TPD52L3: variants seen among roughly 807,000 people sequenced by gnomAD.
TPD52L3 encodes tumor protein D55.
A neutral mutation model predicts 8.7 loss-of-function variants in TPD52L3; 12 were observed. The ratio of observed to expected loss-of-function variants is 1.38; its 90% CI spans 0.89 to 2.24. The LOEUF (loss-of-function observed/expected upper bound fraction) is 2.24, where lower values mean the gene tolerates loss of function less well. Among genes scored for constraint, TPD52L3 ranks in the 30% most tolerant of loss-of-function variants. The pLI is 0.00. For synonymous variants in TPD52L3, 79 were observed against 66.8 expected (o/e 1.18, Z -0.89); for missense variants, 207 against 158.7 (o/e 1.30, Z -1.64).
At chr9:6,330,664 T>C in intron 1 of TPD52L3, 1 of 1,203,470 alleles carries the variant, frequency 8.3e-7, no homozygotes, top group Non-Finnish European at 1.0e-6. Context: ...TGTTTTACTA[T>C]TTTGCATGTT....
rs1474228546 is a variant in TPD52L3 at position 6,331,486 on chromosome 9, G to GA, written c.*467_*468insA. ...CTGTGGCTAGAGAGGAAGGGGAAAT[G>GA]GTGTTACATGAGTGAGGGAGGGGAA... On this transcript the variant is annotated 3_prime_UTR_variant, in exon 2 of 2. Coordinates refer to ENST00000314556, the MANE Select transcript of TPD52L3 (RefSeq NM_001001874.3). 1 of 152,782 alleles carries GA rather than the reference G, an allele frequency of 6.5e-6. No homozygotes were observed. The highest frequency in any genetic ancestry group is 6.5e-5 in the Admixed American group (1 of 15,316). 9.5% of individuals were successfully genotyped at this position (152,782 alleles called of 1,614,324 possible). A position where few individuals can be genotyped will look rare whatever the true frequency, so the allele number is the denominator to read the frequency against.
rs11553814 is a variant in TPD52L3 at position 6,328,440 on chromosome 9, C to T, written c.-156C>T. The T allele has an allele frequency of 0.11, 99,193 of 877,288 alleles. 7,195 individuals are homozygous for T. The highest frequency in any genetic ancestry group is 0.31 in the East Asian group (12,627 of 40,552). The allele number at this position is 877,288 out of a possible 1,614,324, so 54.3% of individuals were successfully genotyped here. On this transcript the variant is annotated 5_prime_UTR_variant, in exon 1 of 2. Transcript: ENST00000314556. ...TACCAGCTGGGCCATGGATCCCTCC[C>T]GCCTGAAATCTGACTCCACCTGCCA...
At chr9:6,330,146 C>T (rs933946524) in intron 1 of TPD52L3, 5 of 1,613,394 alleles carry the variant, frequency 3.1e-6, no homozygotes, top group African/African-American at 2.7e-5. Context: ...AACTATACAT[C>T]TTTGCTCTTA....
chr9:6,330,301 T>G (rs949656369), intron 1 of TPD52L3: 15 of 1,571,250 alleles, frequency 9.5e-6, no homozygotes, highest in Middle Eastern at 1.7e-4. Flanking sequence ...ATACTTTTTG[T>G]TTGTTTTCCT....
At chr9:6,329,152 C>G in intron 1 of TPD52L3, 190 bp downstream of exon 1, 1 of 1,470,946 alleles carries the variant, frequency 6.8e-7, no homozygotes, top group South Asian at 1.4e-5. Context: ...TCTCCACTTT[C>G]TGGAACCAGA....
intron 1 of TPD52L3, chr9:6,329,718 A>G (rs904015921): frequency 1.0e-6 from 1 of 1,002,848 alleles, no homozygotes; most frequent in Non-Finnish European, 1.2e-6. Context: ...AAGAGGGGAA[A>G]ATAGTGGTAG....
chr9:6,328,680 C>G lies in TPD52L3; in HGVS notation c.85C>G (p.Gln29Glu). 2 of 1,614,112 alleles carry G rather than the reference C, an allele frequency of 1.2e-6. No individual in the cohort carries two copies. The highest frequency in any genetic ancestry group is 1.1e-5 in the South Asian group (1 of 91,086). Residue 29 changes from glutamine (Q) to glutamate (E), a missense_variant, in exon 1 of 2, where the codon CAA becomes GAA. Gln to Glu is a conservative substitution (Grantham distance 29). Coordinates refer to ENST00000314556, the MANE Select transcript of TPD52L3 (RefSeq NM_001001874.3). The part of the protein sequence containing the change: ...SELEDLTEPE[Q>E]RELKTKLTKL... ...ACTGGAGGATCTGACAGAGCCCGAG[C>G]AAAGAGAGCTCAAAACCAAACTCAC...
In TPD52L3 at chr9:6,330,038, T is replaced by G. The variant is rs557130578; in HGVS notation, c.368-938T>G. ...CTGAGGGGCTGGAGGAAAACAGGTA[T>G]AGCCAAATTCAAGAAAGATAAACCC... On this transcript the variant is annotated intron_variant, in intron 1 of 1. Transcript: ENST00000314556. 6 of 1,433,690 alleles carry G rather than the reference T, an allele frequency of 4.2e-6. No individual in the cohort carries two copies. The African/African-American group carries it at 8.7e-5, about 21-fold the overall frequency. 88.8% of individuals were successfully genotyped at this position (1,433,690 alleles called of 1,614,324 possible).
At chr9:6,330,473 T>A (rs1818130956) in intron 1 of TPD52L3, 1 of 1,300,208 alleles carries the variant, frequency 7.7e-7, no homozygotes, top group Admixed American at 3.7e-5. Flanking sequence ...CCCTCCAGCC[T>A]AAGAGGATGA....
At chr9:6,329,107 G>T in intron 1 of TPD52L3, 145 bp downstream of exon 1, 1 of 1,536,394 alleles carries the variant, frequency 6.5e-7, no homozygotes, top group East Asian at 2.3e-5. Flanking sequence ...GAGTGGGAAT[G>T]AGCCACTCCC....
At chr9:6,330,668 G>A in intron 1 of TPD52L3, 3 of 1,204,428 alleles carry the variant, frequency 2.5e-6, no homozygotes, top group Non-Finnish European at 1.0e-6. Flanking sequence ...TTACTATTTT[G>A]CATGTTCGAT....
rs964056423 is a variant in TPD52L3, at chr9:6,329,327, A to G, written c.367+365A>G. The G allele has an allele frequency of 6.0e-6, 7 of 1,159,316 alleles. No homozygotes were observed. In the African/African-American group the frequency reaches 9.5e-5, roughly 16 times the overall value. 71.8% of individuals were successfully genotyped at this position (1,159,316 alleles called of 1,614,324 possible). A position where few individuals can be genotyped will look rare whatever the true frequency, so the allele number is the denominator to read the frequency against. On this transcript the variant is annotated intron_variant, in intron 1 of 1. Transcript: ENST00000314556. Reference sequence around the variant, plus strand: ...CCAGTTTTGAGAAAAGAACACAGATATTTGCTGCTTTTAAGATAGAGAACC... The same window carrying G: ...CCAGTTTTGAGAAAAGAACACAGATGTTTGCTGCTTTTAAGATAGAGAACC...
chr9:6,330,061 C>T, intron 1 of TPD52L3: 1 of 1,498,166 alleles, frequency 6.7e-7, no homozygotes, highest in Non-Finnish European at 8.9e-7. Context: ...GAAAGATAAA[C>T]CCCTGTCTCA....
intron 1 of TPD52L3, chr9:6,329,871 T>G: frequency 8.4e-7 from 1 of 1,190,036 alleles, no homozygotes; most frequent in Non-Finnish European, 1.1e-6. Flanking sequence ...GCCTTGTGCT[T>G]TGTTTATAAT....
Position 6,331,176 on chromosome 9 carries a change from G to A in TPD52L3, c.*157G>A. The A allele has an allele frequency of 2.8e-6, 2 of 704,498 alleles. No homozygotes were observed. The highest frequency in any genetic ancestry group is 4.6e-6 in the Non-Finnish European group (2 of 431,890). The allele number at this position is 704,498 out of a possible 1,614,324, so 43.6% of individuals were successfully genotyped here. A position where few individuals can be genotyped will look rare whatever the true frequency, so the allele number is the denominator to read the frequency against. On this transcript the variant is annotated 3_prime_UTR_variant, in exon 2 of 2. Transcript: ENST00000314556. ...TCAAGAACTGTCCCAGGTTCTGAAA[G>A]CATAGAATTAGACATCGTATGTGCC...
intron 1 of TPD52L3, chr9:6,329,709 A>G (rs1043921951): frequency 1.7e-5 from 17 of 1,002,250 alleles, no homozygotes; most frequent in Admixed American, 1.2e-4. Context: ...ACTCAGAAAA[A>G]GAGGGGAAAA....
At position 6,328,724 on chromosome 9, in the gene TPD52L3, T is replaced by C; in HGVS notation, c.129T>C (p.Ile43=). 1 of 1,614,108 alleles carries C rather than the reference T, an allele frequency of 6.2e-7. No individual in the cohort carries two copies. The highest frequency in any genetic ancestry group is 8.5e-7 in the Non-Finnish European group (1 of 1,180,012). Residue 43 remains isoleucine, a synonymous_variant, in exon 1 of 2, where the codon ATT becomes ATC. Coordinates refer to ENST00000314556, the MANE Select transcript of TPD52L3 (RefSeq NM_001001874.3). The part of the protein sequence containing the change: ...KTKLTKLEAE[I]VTLRHVLAAK... ...AACTCACTAAATTGGAGGCTGAAAT[T>C]GTAACCCTACGCCACGTACTAGCAG...
rs764955481 is a variant in TPD52L3 at position 6,328,735 on chromosome 9, G to A, written c.140G>A (p.Arg47His). Reference sequence around the variant, plus strand: ...TTGGAGGCTGAAATTGTAACCCTACGCCACGTACTAGCAGCCAAAGAGAGA... The same window carrying A: ...TTGGAGGCTGAAATTGTAACCCTACACCACGTACTAGCAGCCAAAGAGAGA... ...TKLEAEIVTLRHVLAAKERRC... is the reference protein window; with the variant it reads ...TKLEAEIVTLHHVLAAKERRC... Residue 47 changes from arginine (R) to histidine (H), a missense_variant, in exon 1 of 2, where the codon CGC becomes CAC. Coordinates refer to ENST00000314556, the MANE Select transcript of TPD52L3 (RefSeq NM_001001874.3). The A allele has an allele frequency of 1.2e-5, 20 of 1,614,116 alleles. No homozygotes were observed. Among genetic ancestry groups the A allele is most frequent in the Non-Finnish European group, 1.7e-5 (20 of 1,180,016 alleles).
At chr9:6,329,350 A>T in intron 1 of TPD52L3, 1 of 1,101,234 alleles carries the variant, frequency 9.1e-7, no homozygotes, top group East Asian at 6.7e-5. Context: ...AAGATAGAGA[A>T]CCCAAAGTTT....
Sources: allele counts gnomAD v4.1 joint callset, GRCh38; gene constraint gnomAD v4.1.1; transcripts MANE v1.5; gene names NCBI Gene and HGNC (gene_info 2026-07-23, HGNC 2026-07-21).